DGKH: variants seen among roughly 807,000 people sequenced by gnomAD.
DGKH encodes DAG kinase eta.
A neutral mutation model predicts 159.3 loss-of-function variants in DGKH; 90 were observed. The observed-to-expected ratio is 0.57, with a 90% confidence interval of 0.48 to 0.67. DGKH has a LOEUF of 0.67. Ranked by LOEUF, DGKH falls within the 30% of genes least tolerant of loss-of-function variation. DGKH has a pLI of 0.00. For missense variants in DGKH, 1,181 were observed against 1,506.1 expected, an observed-to-expected ratio of 0.78 and a Z score of 3.57; for synonymous variants, 536 against 553.8, an observed-to-expected ratio of 0.97 and a Z score of 0.45.
chr13:42,128,291 A>G (rs935301944), intron 2 of DGKH, among the ~76,000 whole-genome samples: 4 of 152,212 alleles, frequency 2.6e-5, no homozygotes, highest in Non-Finnish European at 5.9e-5. Context: ...TGCCAGTTGA[A>G]TAATTAATTA....
chr13:42,207,638 C>A (rs1301953604), intron 21 of DGKH, among the ~76,000 whole-genome samples: 2 of 148,442 alleles, frequency 1.3e-5, no homozygotes, highest in African/African-American at 5.0e-5. Flanking sequence ...AAAACACAAC[C>A]TTACAAATGT....
intron 1 of DGKH, among the ~76,000 whole-genome samples, chr13:42,105,699 G>T (rs1170187): frequency 2.0e-5 from 3 of 152,052 alleles, no homozygotes; most frequent in Non-Finnish European, 4.4e-5. Context: ...CCTACAAACT[G>T]GTAAGCTTTA....
intron 3 of DGKH, among the ~76,000 whole-genome samples, chr13:42,134,418 A>G (rs1955357957): frequency 6.6e-6 from 1 of 152,164 alleles, no homozygotes; most frequent in Admixed American, 6.5e-5. Flanking sequence ...TTGTTTTTTC[A>G]GTTATCTAAA....
At position 42,110,909 on chromosome 13, in the gene DGKH, G is replaced by T. The variant is rs547399721; in HGVS notation, c.193-16554G>T. Among the ~76,000 whole-genome samples, 8 of 152,284 alleles carry T rather than the reference G, an allele frequency of 5.3e-5. No homozygotes were observed. The East Asian group carries it at 1.2e-3, about 22-fold the overall frequency. ...ATACTAATTTAAAAATACACTCAGT[G>T]GGGGGAGGAAGAGCATTAGGAAAAA... On this transcript the variant is annotated intron_variant, in intron 1 of 29. Coordinates refer to ENST00000337343, the MANE Select transcript of DGKH (RefSeq NM_178009.5).
intron 11 of DGKH, among the ~76,000 whole-genome samples, chr13:42,170,181 G>A (rs1956412022): frequency 6.6e-6 from 1 of 152,220 alleles, no homozygotes; most frequent in Admixed American, 6.5e-5. Flanking sequence ...TGTTGCAAAT[G>A]TAAAGACCAC....
At chr13:42,063,208 A>C (rs1328495995) in intron 1 of DGKH, among the ~76,000 whole-genome samples, 1 of 151,976 alleles carries the variant, frequency 6.6e-6, no homozygotes, top group Non-Finnish European at 1.5e-5. Context: ...TGCCATGAGG[A>C]TATCTGGAGG....
Position 42,189,008 on chromosome 13 carries a change from T to A in DGKH, c.1639-28T>A, listed in dbSNP as rs201105556. ...GCTGATCTTGATTCTTTTTGAGTAT[T>A]TTTCTCATTGCCATATTTTCCTCTC... is the stretch of plus-strand genomic sequence containing the variant. On this transcript the variant is annotated intron_variant, in intron 14 of 29. Transcript: ENST00000337343. 8.2e-6 allele frequency: 13 copies of A among 1,593,890 alleles called. No homozygotes were observed. In the Admixed American group the frequency reaches 2.3e-4, roughly 28 times the overall value.
intron 1 of DGKH, among the ~76,000 whole-genome samples, chr13:42,052,113 T>C (rs1219188732): frequency 1.3e-5 from 2 of 152,210 alleles, no homozygotes; most frequent in Non-Finnish European, 2.9e-5. Context: ...ATATGGGTTG[T>C]TTTAGGACAA....
At position 42,230,506 on chromosome 13, in the gene DGKH, A is replaced by C. The variant is rs1274094548; in HGVS notation, c.*1318A>C. The C allele has an allele frequency of 6.6e-6, 1 of 152,146 alleles. No homozygotes were observed. Among genetic ancestry groups the C allele is most frequent in the Non-Finnish European group, 1.5e-5 (1 of 68,008 alleles). 9.4% of individuals were successfully genotyped at this position (152,146 alleles called of 1,614,324 possible). A position where few individuals can be genotyped will look rare whatever the true frequency, so the allele number is the denominator to read the frequency against. ...ATACGTATCAAAAAGTCACAAAAAT[A>C]TCCTTAAATAAGCTTTCTTTAGCCA... On this transcript the variant is annotated 3_prime_UTR_variant, in exon 30 of 30. Transcript: ENST00000337343.
At chr13:42,207,142 C>T (rs868416752) in intron 21 of DGKH, among the ~76,000 whole-genome samples, 2,760 of 37,970 alleles carry the variant, frequency 0.073, 375 homozygotes, top group South Asian at 0.12. Flanking sequence ...TCCTTCCTTC[C>T]TTCCTTCCTT....
chr13:42,228,887 T>C (rs1425384363), intron 29 of DGKH, among the ~76,000 whole-genome samples: 1 of 152,104 alleles, frequency 6.6e-6, no homozygotes, highest in African/African-American at 2.4e-5. Context: ...TTTTATGAAC[T>C]TATTTTTCTA....
At chr13:42,084,030 G>A (rs1038098822) in intron 1 of DGKH, among the ~76,000 whole-genome samples, 5 of 152,034 alleles carry the variant, frequency 3.3e-5, no homozygotes, top group East Asian at 1.9e-4. Context: ...AAATATGAGA[G>A]CAAATTATGG....
intron 30 of DGKH, among the ~76,000 whole-genome samples, chr13:42,254,127 C>G (rs1310600752): frequency 6.6e-6 from 1 of 151,970 alleles, no homozygotes; most frequent in Non-Finnish European, 1.5e-5. Flanking sequence ...AATTATCTTT[C>G]TACCCTAATA....
intron 22 of DGKH, 67 bp from the exon 23 acceptor site, chr13:42,209,264 C>G: frequency 6.4e-7 from 1 of 1,551,008 alleles, no homozygotes; most frequent in Non-Finnish European, 8.7e-7. Flanking sequence ...ATACTCAAGC[C>G]TTCATAAAGA....
rs1458377442 is a variant in DGKH at position 42,133,300 on chromosome 13, A to G, written c.384+3668A>G. Among the ~76,000 whole-genome samples, 10 of 152,148 alleles carry G rather than the reference A, an allele frequency of 6.6e-5. No individual in the cohort carries two copies. In the East Asian group the frequency reaches 1.5e-3, roughly 23 times the overall value. On this transcript the variant is annotated intron_variant, in intron 3 of 29. Transcript: ENST00000337343. ...GTATTTGTTGATTTTAACTAATAAG[A>G]TGAATGTTTATTTTAGGCATGAGAA...
chr13:42,188,536 A>G (rs1235571254), intron 14 of DGKH, among the ~76,000 whole-genome samples: 4 of 152,228 alleles, frequency 2.6e-5, no homozygotes, highest in Non-Finnish European at 5.9e-5. Flanking sequence ...GACGCTCAAA[A>G]TGGTGCATTA....
At chr13:42,085,105 T>G (rs1954277362) in intron 1 of DGKH, among the ~76,000 whole-genome samples, 1 of 152,096 alleles carries the variant, frequency 6.6e-6, no homozygotes. Context: ...TAAATTTAGG[T>G]TATGTTAATG....
intron 29 of DGKH, among the ~76,000 whole-genome samples, chr13:42,247,959 A>G (rs1958594008): frequency 6.6e-6 from 1 of 152,228 alleles, no homozygotes; most frequent in African/African-American, 2.4e-5. Flanking sequence ...TCAGTAAGCT[A>G]ATATTTATTA....
intron 1 of DGKH, chr13:42,070,145 T>C (rs1882859299): frequency 2.2e-6 from 2 of 915,236 alleles, no homozygotes; most frequent in African/African-American, 1.6e-5. Context: ...CATATGCTCA[T>C]GTAAGGATGG....
Sources: gnomAD v4.1 joint callset for allele counts (sites outside exome capture counted in the v4.1 genomes callset) on GRCh38, gnomAD v4.1.1 for gene constraint, MANE v1.5 for transcripts, NCBI Gene and HGNC (gene_info 2026-07-23, HGNC 2026-07-21) for gene names.